MYT1L: variants seen among roughly 807,000 people sequenced by gnomAD.
MYT1L encodes myelin transcription factor 1-like protein.
Under a neutral mutation model 126.7 loss-of-function variants are expected in MYT1L, and 12 were observed. That is an observed-to-expected ratio of 0.09 (90% CI 0.06 to 0.15). The LOEUF (loss-of-function observed/expected upper bound fraction) is 0.15, where lower values mean the gene tolerates loss of function less well. Among genes scored for constraint, MYT1L ranks in the 10% least tolerant of loss-of-function variants. The pLI is 1.00. For missense variants in MYT1L, 979 were observed against 1,585.2 expected (o/e 0.62, Z 6.49); for synonymous variants, 541 against 604.2 (o/e 0.90, Z 1.53).
At chr2:1,964,559 TTTGAA>T (rs1330388932) in intron 8 of MYT1L, among the ~76,000 whole-genome samples, 1 of 152,150 alleles carries the variant, frequency 6.6e-6, no homozygotes, top group Non-Finnish European at 1.5e-5. Context: ...TCCAAAATAC[TTTGAA>T]TTGTTTATTT....
intron 3 of MYT1L, among the ~76,000 whole-genome samples, chr2:2,104,923 C>T (rs1228660451): frequency 6.6e-6 from 1 of 152,160 alleles, no homozygotes; most frequent in Non-Finnish European, 1.5e-5. Context: ...TCACACCACT[C>T]TAGAGGAATC....
intron 5 of MYT1L, among the ~76,000 whole-genome samples, chr2:1,995,618 T>G (rs966052172): frequency 6.6e-6 from 1 of 152,208 alleles, no homozygotes; most frequent in South Asian, 2.1e-4. Context: ...GGTCTCTCGC[T>G]GACCACTGCT....
chr2:1,830,211 G>A (rs1030342778), intron 21 of MYT1L, among the ~76,000 whole-genome samples: 1 of 152,242 alleles, frequency 6.6e-6, no homozygotes, highest in African/African-American at 2.4e-5. Flanking sequence ...AGTCACTCAC[G>A]GGGGGTCAGG....
At chr2:1,958,418 A>C (rs2058690933) in intron 8 of MYT1L, among the ~76,000 whole-genome samples, 1 of 152,030 alleles carries the variant, frequency 6.6e-6, no homozygotes, top group Non-Finnish European at 1.5e-5. Context: ...GAGCGGGAGG[A>C]CGAGGATGTG....
intron 2 of MYT1L, among the ~76,000 whole-genome samples, chr2:2,212,042 G>C (rs2093536308): frequency 6.6e-6 from 1 of 152,102 alleles, no homozygotes; most frequent in African/African-American, 2.4e-5. Context: ...TCAAGCCTCT[G>C]CATTTCAGAC....
At chr2:2,269,864 T>A (rs1057098202) in intron 2 of MYT1L, among the ~76,000 whole-genome samples, 1 of 152,230 alleles carries the variant, frequency 6.6e-6, no homozygotes, top group East Asian at 1.9e-4. Flanking sequence ...CAGAATTATG[T>A]CTTGCTATTC....
intron 4 of MYT1L, among the ~76,000 whole-genome samples, chr2:2,005,191 C>T (rs2063096684): frequency 6.7e-6 from 1 of 150,300 alleles, no homozygotes; most frequent in African/African-American, 2.5e-5. Context: ...TGTGTTTTTT[C>T]CTGCAGGCAT....
At chr2:2,157,757 T>C (rs2086965946) in intron 3 of MYT1L, among the ~76,000 whole-genome samples, 1 of 152,232 alleles carries the variant, frequency 6.6e-6, no homozygotes, top group South Asian at 2.1e-4. Context: ...CTCATTTAAT[T>C]TTAAAAGAAA....
chr2:2,154,528 G>C (rs914999879), intron 3 of MYT1L, among the ~76,000 whole-genome samples: 2 of 152,208 alleles, frequency 1.3e-5, no homozygotes, highest in Admixed American at 1.3e-4. Flanking sequence ...GTTCTTTGCA[G>C]AAACATGGAT....
intron 4 of MYT1L, among the ~76,000 whole-genome samples, chr2:2,003,964 T>C (rs2062702762): frequency 6.6e-6 from 1 of 151,336 alleles, no homozygotes. Context: ...CATGCGTTCT[T>C]TCCTGCAGGC....
intron 13 of MYT1L, among the ~76,000 whole-genome samples, chr2:1,909,631 C>T (rs546202702): frequency 1.7e-4 from 26 of 152,160 alleles, no homozygotes; most frequent in Non-Finnish European, 3.1e-4. Flanking sequence ...GGATGATCTG[C>T]GACATTGTAA....
chr2:2,237,561 T>A (rs1409139185), intron 2 of MYT1L, among the ~76,000 whole-genome samples: 1 of 152,198 alleles, frequency 6.6e-6, no homozygotes, highest in Non-Finnish European at 1.5e-5. Context: ...CATAATTGAA[T>A]AGACTTTCCT....
intron 1 of MYT1L, among the ~76,000 whole-genome samples, chr2:2,319,941 C>A (rs549520780): frequency 6.6e-6 from 1 of 152,116 alleles, no homozygotes; most frequent in East Asian, 1.9e-4. Context: ...AGGTGCTGAC[C>A]TTAAGGGGTC....
At chr2:2,183,526 A>G (rs757333338) in intron 2 of MYT1L, among the ~76,000 whole-genome samples, 1 of 152,178 alleles carries the variant, frequency 6.6e-6, no homozygotes, top group Non-Finnish European at 1.5e-5. Context: ...AGAGAGTAAT[A>G]TTATGAATGT....
intron 3 of MYT1L, among the ~76,000 whole-genome samples, chr2:2,125,903 C>T (rs754019981): frequency 6.6e-6 from 1 of 152,208 alleles, no homozygotes; most frequent in Non-Finnish European, 1.5e-5. Context: ...ATTCTAGCAA[C>T]AATGCCGCAA....
intron 2 of MYT1L, among the ~76,000 whole-genome samples, chr2:2,203,843 C>G (rs1177652499): frequency 3.3e-5 from 5 of 152,194 alleles, no homozygotes; most frequent in Admixed American, 2.6e-4. Flanking sequence ...AGGCATCACA[C>G]TACCTGACTT....
In MYT1L at chr2:1,791,725, T is replaced by C; in HGVS notation, c.*142A>G. 1.2e-6 allele frequency: 1 copy of C among 838,110 alleles called. No homozygotes were observed. Among genetic ancestry groups the C allele is most frequent in the South Asian group, 2.3e-5 (1 of 42,952 alleles). 51.9% of individuals were successfully genotyped at this position (838,110 alleles called of 1,614,324 possible). A position where few individuals can be genotyped will look rare whatever the true frequency, so the allele number is the denominator to read the frequency against. ...CAGGTACTATCTTTAAAGCAAGACA[T>C]AAAATCATTATGAAGTCTTGTAAGC... is the stretch of plus-strand genomic sequence containing the variant. On this transcript the variant is annotated 3_prime_UTR_variant, in exon 25 of 25. Coordinates refer to ENST00000647738, the MANE Select transcript of MYT1L (RefSeq NM_001303052.2). The surrounding 1 kb of genome is among the most constrained non-coding windows in gnomAD (Gnocchi z 6.0).
At chr2:1,882,738 G>A (rs2047724046) in intron 18 of MYT1L, among the ~76,000 whole-genome samples, 1 of 152,190 alleles carries the variant, frequency 6.6e-6, no homozygotes, top group Non-Finnish European at 1.5e-5. Flanking sequence ...GCTGTGGGGT[G>A]AGCAAAGCTC....
chr2:2,312,812 G>A (rs139433933), intron 1 of MYT1L, among the ~76,000 whole-genome samples: 1 of 152,054 alleles, frequency 6.6e-6, no homozygotes, highest in Non-Finnish European at 1.5e-5. Flanking sequence ...CAAAAGAGGT[G>A]GTAGAAGACT....
Sources: gnomAD v4.1 joint callset for allele counts (sites outside exome capture counted in the v4.1 genomes callset) on GRCh38, gnomAD v4.1.1 for gene constraint, Gnocchi (gnomAD v3.1) non-coding constraint, MANE v1.5 for transcripts, NCBI Gene and HGNC (gene_info 2026-07-23, HGNC 2026-07-21) for gene names.